The following IL31RA variants were observed in gnomAD, a reference collection of about 807,000 sequenced individuals.
IL31RA encodes interleukin 31 receptor A, also known as interleukin-31 receptor subunit alpha.
Under a neutral mutation model 83.7 loss-of-function variants are expected in IL31RA, and 66 were observed. That is an observed-to-expected ratio of 0.79 (90% CI 0.65 to 0.97). The LOEUF (loss-of-function observed/expected upper bound fraction) is 0.97, where lower values mean the gene tolerates loss of function less well. IL31RA is among the 50% of genes least tolerant of loss of function. The pLI is 0.00. For synonymous variants in IL31RA, 325 were observed against 329.0 expected, an observed-to-expected ratio of 0.99 and a Z score of 0.13; for missense variants, 798 against 919.4, an observed-to-expected ratio of 0.87 and a Z score of 1.71.
At position 55,867,322 on chromosome 5, in the gene IL31RA, T is replaced by C. The variant is rs56264901; in HGVS notation, c.155-1469T>C. On this transcript the variant is annotated intron_variant, in intron 2 of 14. Coordinates refer to ENST00000652347, the MANE Select transcript of IL31RA (RefSeq NM_139017.7). ...GTGTGTGCGTGTGTGTGTGTGCGTG[T>C]GTGTGTGTGTGTGTATGTTTAGGAT... 6.2e-3 allele frequency among the ~76,000 whole-genome samples: 732 copies of C among 117,438 alleles called. 12 individuals carry two copies. The highest frequency in any genetic ancestry group is 0.023 in the South Asian group (80 of 3,504). The allele number at this position is 117,438 out of a possible 152,430, so 77.0% of individuals were successfully genotyped here.
the IL31RA span, among the ~76,000 whole-genome samples, chr5:55,842,442 C>T: frequency 6.6e-6 from 1 of 152,288 alleles, no homozygotes; most frequent in Middle Eastern, 3.4e-3. Flanking sequence ...GGCTTTGAGG[C>T]CCCATTGCAG....
chr5:55,913,541 G>A lies in IL31RA; in HGVS notation c.1707G>A (p.Leu569=). 3 of 1,613,240 alleles carry A rather than the reference G, an allele frequency of 1.9e-6. No individual in the cohort carries two copies. Among genetic ancestry groups the A allele is most frequent in the Non-Finnish European group, 2.5e-6 (3 of 1,179,212 alleles). ...GAGGCCTTCTTATTCTCATTATCCT[G>A]ACAGTGGCATATGGTCTCAAAAAAC... is the stretch of plus-strand genomic sequence containing the variant. The part of the protein sequence containing the change: ...IGGGLLILII[L]TVAYGLKKPN... The change falls in exon 13 of 15, where the codon CTG becomes CTA. Residue 569 remains leucine (L), a synonymous_variant. Transcript: ENST00000652347.
Position 55,896,543 on chromosome 5 carries a change from TCCCTTCCCTC to T in IL31RA, c.852+119_852+128del, listed in dbSNP as rs1212589819. ...CCATCCTCCTTCCCTTCCCTTCCCT[TCCCTTCCCTC>T]CCCTCCCCTCCCCTCCCCTCCCTTC... On this transcript the variant is annotated intron_variant, in intron 7 of 14. Coordinates refer to ENST00000652347, the MANE Select transcript of IL31RA (RefSeq NM_139017.7). The T allele has an allele frequency of 7.2e-6, 4 of 554,442 alleles. No homozygotes were observed. In the East Asian group the frequency reaches 1.0e-4, roughly 14 times the overall value. The allele number at this position is 554,442 out of a possible 1,614,324, so 34.3% of individuals were successfully genotyped here.
At chr5:55,915,530 G>T (rs760003991) in intron 14 of IL31RA, among the ~76,000 whole-genome samples, 57 of 152,152 alleles carry the variant, frequency 3.7e-4, no homozygotes, top group Non-Finnish European at 1.8e-4. Flanking sequence ...TCTTGCTTAC[G>T]TAGAAACAAG....
At chr5:55,913,455 T>A (rs768129958) in intron 12 of IL31RA, 22 bp from the exon 13 acceptor site, 1 of 1,535,398 alleles carries the variant, frequency 6.5e-7, no homozygotes, top group Admixed American at 1.7e-5. Context: ...CACTACTGAC[T>A]TTTGTTCTTT....
chr5:55,897,488 GCTGT>G (rs2112510060), intron 7 of IL31RA, among the ~76,000 whole-genome samples: 1 of 152,294 alleles, frequency 6.6e-6, no homozygotes, highest in East Asian at 1.9e-4. Context: ...TCCCCACCCA[GCTGT>G]CTCAGAAGAG....
At chr5:55,865,169 T>TAA (rs1455814794) in intron 2 of IL31RA, among the ~76,000 whole-genome samples, 8 of 152,346 alleles carry the variant, frequency 5.3e-5, no homozygotes, top group Admixed American at 2.0e-4. Context: ...GGTGTAGCTT[T>TAA]CAATCTCTAT....
At chr5:55,897,724 T>TG (rs2112511393) in intron 7 of IL31RA, among the ~76,000 whole-genome samples, 1 of 148,946 alleles carries the variant, frequency 6.7e-6, no homozygotes, top group South Asian at 2.1e-4. Context: ...GAGTAGAAAA[T>TG]GGGGGGACAA....
At chr5:55,901,357 A>G (rs985766007) in intron 8 of IL31RA, among the ~76,000 whole-genome samples, 1 of 152,080 alleles carries the variant, frequency 6.6e-6, no homozygotes, top group South Asian at 2.1e-4. Flanking sequence ...GAGGTGGTAA[A>G]GAATAGGGTA....
intron 6 of IL31RA, among the ~76,000 whole-genome samples, chr5:55,890,717 T>C (rs558693864): frequency 2.1e-4 from 32 of 152,310 alleles, no homozygotes; most frequent in African/African-American, 7.5e-4. Flanking sequence ...AAGATACATA[T>C]TGTGAATCCT....
intron 1 of IL31RA, chr5:55,853,580 T>G: frequency 6.5e-7 from 1 of 1,550,012 alleles, no homozygotes; most frequent in Non-Finnish European, 8.7e-7. Flanking sequence ...GAGTGCTAAT[T>G]CATTTAGAAG....
At chr5:55,882,979 G>T (rs1458342529) in intron 4 of IL31RA, 65 bp from the exon 5 acceptor site, 13 of 1,486,720 alleles carry the variant, frequency 8.7e-6, no homozygotes, top group Non-Finnish European at 1.1e-5. Context: ...TCAATTTTGG[G>T]TGGATGCTAT....
chr5:55,869,318 C>A (rs1383027922), intron 3 of IL31RA, among the ~76,000 whole-genome samples: 1 of 152,142 alleles, frequency 6.6e-6, no homozygotes, highest in Non-Finnish European at 1.5e-5. Context: ...GCTGTGTGAC[C>A]TCTGTCAAAC....
At chr5:55,853,434 A>C in intron 1 of IL31RA, 1 of 1,517,304 alleles carries the variant, frequency 6.6e-7, no homozygotes, top group Non-Finnish European at 8.8e-7. Context: ...AAACACTCCC[A>C]CATCTTAGTG....
chr5:55,911,476 C>T (rs553962631), intron 12 of IL31RA, among the ~76,000 whole-genome samples: 21 of 152,244 alleles, frequency 1.4e-4, no homozygotes, highest in African/African-American at 4.6e-4. Context: ...AGGGGCTTAA[C>T]CTCATCATTT....
rs1430193007 is a variant in IL31RA at position 55,917,567 on chromosome 5, TCTGGTGGGAGC to T, written c.*452_*462del. On this transcript the variant is annotated 3_prime_UTR_variant, in exon 15 of 15. Transcript: ENST00000652347. The stretch of plus-strand genomic sequence containing the variant: ...AGTTGTTTTGTTGGCTCTTGGGTGG[TCTGGTGGGAGC>T]CTGGGCTCTGGTCTTCCCCTACAAG... Among the ~76,000 whole-genome samples, 7 of 152,066 alleles carry T rather than the reference TCTGGTGGGAGC, an allele frequency of 4.6e-5. No individual in the cohort carries two copies. The highest frequency in any genetic ancestry group is 6.5e-5 in the Admixed American group (1 of 15,268).
At chr5:55,914,817 T>C (rs898756332) in intron 13 of IL31RA, 30 bp from the exon 14 acceptor site, 3 of 1,505,860 alleles carry the variant, frequency 2.0e-6, no homozygotes, top group Non-Finnish European at 1.9e-6. Context: ...TTGGATTCAA[T>C]TCCCATCTTA....
At chr5:55,866,370 G>A (rs1443379436) in intron 2 of IL31RA, among the ~76,000 whole-genome samples, 1 of 152,058 alleles carries the variant, frequency 6.6e-6, no homozygotes, top group Non-Finnish European at 1.5e-5. Context: ...ACAGGGGGTG[G>A]GGTTGGGAGT....
At chr5:55,907,849 T>G (rs1276008451) in intron 10 of IL31RA, among the ~76,000 whole-genome samples, 3 of 152,226 alleles carry the variant, frequency 2.0e-5, no homozygotes, top group Admixed American at 2.0e-4. Context: ...AAGCAAAGGC[T>G]TTACTGGTGA....
Sources: allele counts gnomAD v4.1 joint callset (sites outside exome capture counted in the v4.1 genomes callset), GRCh38; gene constraint gnomAD v4.1.1; transcripts MANE v1.5; gene names NCBI Gene and HGNC (gene_info 2026-07-23, HGNC 2026-07-21).